IPO5: variants seen among roughly 807,000 people sequenced by gnomAD.
IPO5 encodes the protein importin 5.
IPO5 carries 18 observed loss-of-function variants against 143.3 expected under a neutral mutation model. The ratio of observed to expected loss-of-function variants is 0.13; its 90% CI spans 0.09 to 0.19. The LOEUF (loss-of-function observed/expected upper bound fraction) is 0.19, where lower values mean the gene tolerates loss of function less well. Among genes scored for constraint, IPO5 ranks in the 10% least tolerant of loss-of-function variants. The pLI, the probability that IPO5 is intolerant of heterozygous loss-of-function variation, is 1.00. For missense variants in IPO5, 1,013 were observed against 1,336.9 expected (o/e 0.76, Z 3.78); for synonymous variants, 477 against 465.7 (o/e 1.02, Z -0.31).
chr13:98,000,725 T>C (rs1888697407), intron 13 of IPO5, 80 bp downstream of exon 13: 1 of 876,146 alleles, frequency 1.1e-6, no homozygotes, highest in South Asian at 1.5e-5. Context: ...GTTTAGACTG[T>C]TAAAAATTAA....
intron 2 of IPO5, among the ~76,000 whole-genome samples, chr13:97,962,392 T>C (rs1243094300): frequency 6.6e-6 from 1 of 152,228 alleles, no homozygotes; most frequent in East Asian, 1.9e-4. Context: ...TTTGAAGTTT[T>C]TATGACGTGA....
intron 3 of IPO5, among the ~76,000 whole-genome samples, chr13:97,972,868 G>A (rs1423368737): frequency 6.6e-6 from 1 of 150,468 alleles, no homozygotes. Flanking sequence ...GAGGCTTAGC[G>A]ACATTAAGCA....
intron 3 of IPO5, among the ~76,000 whole-genome samples, chr13:97,972,869 AC>A (rs35791827): frequency 0.049 from 7,435 of 152,150 alleles, 438 homozygotes; most frequent in East Asian, 0.32. Flanking sequence ...AGGCTTAGCG[AC>A]ATTAAGCACT....
intron 5 of IPO5, among the ~76,000 whole-genome samples, chr13:97,983,827 C>CG (rs1346089350): frequency 4.6e-5 from 7 of 151,956 alleles, no homozygotes; most frequent in Non-Finnish European, 8.8e-5. Context: ...GTTCTCTCAA[C>CG]CACTTTAAAA....
intron 11 of IPO5, 102 bp from the exon 12 acceptor site, chr13:97,997,429 T>G: frequency 1.8e-6 from 1 of 548,390 alleles, no homozygotes; most frequent in Non-Finnish European, 3.2e-6. Context: ...TTTGTCTTGT[T>G]CTCTTACAGG....
Position 98,018,667 on chromosome 13 carries a change from A to G in IPO5, c.2799A>G (p.Ala933=). Residue 933 remains alanine, a synonymous_variant, in exon 26 of 29, where the codon GCA becomes GCG. Transcript: ENST00000651721. The stretch of plus-strand genomic sequence containing the variant: ...CTGCATATGGCCTGGGAGTCATGGC[A>G]CAGTACGGTGGAGATAATTATCGCC... ...QAAAYGLGVM[A]QYGGDNYRPF... 6.2e-7 allele frequency: 1 copy of G among 1,614,210 alleles called. No individual in the cohort carries two copies. Among genetic ancestry groups the G allele is most frequent in the Non-Finnish European group, 8.5e-7 (1 of 1,180,032 alleles).
At chr13:98,021,669 G>A in intron 28 of IPO5, 67 bp from the exon 29 acceptor site, 4 of 901,686 alleles carry the variant, frequency 4.4e-6, no homozygotes, top group Non-Finnish European at 6.7e-6. Context: ...GTTTACCTAT[G>A]ATGATGATTA....
At chr13:97,984,044 T>G (rs1887112260) in intron 5 of IPO5, among the ~76,000 whole-genome samples, 2 of 126,210 alleles carry the variant, frequency 1.6e-5, no homozygotes, top group South Asian at 5.6e-4. Flanking sequence ...AGTGGCGGGA[T>G]CTCGGCTCAC....
At chr13:97,993,248 G>C in intron 11 of IPO5, 23 bp downstream of exon 11, 1 of 1,606,760 alleles carries the variant, frequency 6.2e-7, no homozygotes, top group African/African-American at 1.3e-5. Flanking sequence ...TCTTCAGATA[G>C]TTTATGTGTA....
chr13:97,978,775 A>G (rs1192824905), intron 4 of IPO5, among the ~76,000 whole-genome samples: 1 of 152,136 alleles, frequency 6.6e-6, no homozygotes, highest in Admixed American at 6.6e-5. Flanking sequence ...TCTCTCTTCT[A>G]TTGAACTAAA....
At chr13:97,979,610 GTATT>G (rs570727744) in intron 4 of IPO5, among the ~76,000 whole-genome samples, 77 of 152,308 alleles carry the variant, frequency 5.1e-4, no homozygotes, top group African/African-American at 1.8e-3. Context: ...ATAAGCTTAA[GTATT>G]TATTAATCAT....
chr13:97,988,745 G>A (rs374941474), intron 6 of IPO5, among the ~76,000 whole-genome samples: 1 of 152,120 alleles, frequency 6.6e-6, no homozygotes, highest in Non-Finnish European at 1.5e-5. Context: ...CCGAGATCGC[G>A]CCATTGCACT....
chr13:98,010,326 T>A, intron 20 of IPO5, 102 bp downstream of exon 20: 1 of 1,029,594 alleles, frequency 9.7e-7, no homozygotes, highest in Non-Finnish European at 1.4e-6. Context: ...GGAGAGCCAG[T>A]AATATGTTCC....
At chr13:97,989,655 A>AT (rs1412628799) in intron 7 of IPO5, among the ~76,000 whole-genome samples, 3 of 152,116 alleles carry the variant, frequency 2.0e-5, no homozygotes, top group South Asian at 2.1e-4. Context: ...ACTGTGCTAT[A>AT]TTTTTTTACT....
intron 4 of IPO5, chr13:97,981,203 C>T: frequency 2.2e-6 from 1 of 450,686 alleles, no homozygotes; most frequent in South Asian, 1.6e-5. Context: ...ATCAGAAGAT[C>T]TTGAATTCTC....
rs996287372 is a variant in IPO5 at position 97,990,618 on chromosome 13, A to T, written c.669+81A>T. 504 of 757,662 alleles carry T rather than the reference A, an allele frequency of 6.7e-4. 1 individual carries two copies. The highest frequency in any genetic ancestry group is 2.8e-4 in the Non-Finnish European group (129 of 467,410). 46.9% of individuals were successfully genotyped at this position (757,662 alleles called of 1,614,324 possible). A position where few individuals can be genotyped will look rare whatever the true frequency, so the allele number is the denominator to read the frequency against. On this transcript the variant is annotated intron_variant, in intron 9 of 28. Transcript: ENST00000651721. ...ATTCAATCATTTATGCAATAAATTC[A>T]TATTGCCTATTATGTTCTGGCGCTA...
Position 97,993,085 on chromosome 13 carries a change from C to T in IPO5, c.793-20C>T. On this transcript the variant is annotated intron_variant, in intron 10 of 28. Coordinates refer to ENST00000651721, the MANE Select transcript of IPO5 (RefSeq NM_002271.6). ...ACTAATCTAAATTATTAAATGTATACAAATATGTCTTCTTTGTAGTTGTGT... is the reference window on the plus strand; with the variant it reads ...ACTAATCTAAATTATTAAATGTATATAAATATGTCTTCTTTGTAGTTGTGT... 2 of 1,613,454 alleles carry T rather than the reference C, an allele frequency of 1.2e-6. No individual in the cohort carries two copies. Among genetic ancestry groups the T allele is most frequent in the Non-Finnish European group, 1.7e-6 (2 of 1,179,630 alleles).
Position 98,002,537 on chromosome 13 carries a change from G to C in IPO5, c.1179G>C (p.Met393Ile). The C allele has an allele frequency of 6.8e-6, 11 of 1,613,932 alleles. No homozygotes were observed. The highest frequency in any genetic ancestry group is 8.5e-6 in the Non-Finnish European group (10 of 1,179,842). Residue 393 changes from methionine to isoleucine, a missense_variant, in exon 14 of 29, where the codon ATG becomes ATC. This residue lies in a region of IPO5 where 685 missense variants were observed against 994.9 expected (regional missense o/e 0.69). Coordinates refer to ENST00000651721, the MANE Select transcript of IPO5 (RefSeq NM_002271.6). ...SAIGEGCHQQ[M>I]EGILNEIVNF... ...TTGGTGAAGGGTGCCACCAGCAAATGGAAGGAATTCTAAATGAGATCGTAA... is the reference window on the plus strand; with the variant it reads ...TTGGTGAAGGGTGCCACCAGCAAATCGAAGGAATTCTAAATGAGATCGTAA...
intron 22 of IPO5, 60 bp from the exon 23 acceptor site, chr13:98,015,470 A>T: frequency 1.1e-6 from 1 of 882,672 alleles, no homozygotes; most frequent in Non-Finnish European, 1.8e-6. Context: ...AGTGGAGTTT[A>T]ACTTTGGACT....
Sources: gnomAD v4.1 joint callset for allele counts (sites outside exome capture counted in the v4.1 genomes callset) on GRCh38, gnomAD v4.1.1 for gene constraint, gnomAD v4.1.1 regional missense constraint, MANE v1.5 for transcripts, NCBI Gene and HGNC (gene_info 2026-07-23, HGNC 2026-07-21) for gene names.